MKLN1: variants seen among roughly 807,000 people sequenced by gnomAD.
MKLN1 encodes the protein muskelin.
In MKLN1, 18 loss-of-function variants were observed where a neutral mutation model predicts 99.0. The ratio of observed to expected loss-of-function variants is 0.18; its 90% CI spans 0.13 to 0.27. The LOEUF is 0.27. MKLN1 is among the 10% of genes least tolerant of loss of function. The pLI is 1.00. For missense variants in MKLN1, 621 were observed against 875.9 expected (o/e 0.71, Z 3.67); for synonymous variants, 288 against 293.2 (o/e 0.98, Z 0.18).
chr7:131,371,469 C>T lies in MKLN1; in HGVS notation c.99-3955C>T, dbSNP rs145337427. Among the ~76,000 whole-genome samples, 229 of 152,214 alleles carry T rather than the reference C, an allele frequency of 1.5e-3. 4 individuals carry two copies. Among genetic ancestry groups the T allele is most frequent in the African/African-American group, 5.2e-3 (215 of 41,542 alleles). On this transcript the variant is annotated intron_variant, in intron 1 of 17. Coordinates refer to ENST00000352689, the MANE Select transcript of MKLN1 (RefSeq NM_013255.5). Reference sequence around the variant, plus strand: ...GTTGCGGATTTAAATAGCATTGATACATTGACATCTCTGAAGAGTATATTT... The same window carrying T: ...GTTGCGGATTTAAATAGCATTGATATATTGACATCTCTGAAGAGTATATTT...
chr7:131,458,990 G>A (rs772472458), intron 12 of MKLN1, among the ~76,000 whole-genome samples: 8 of 152,148 alleles, frequency 5.3e-5, no homozygotes, highest in Non-Finnish European at 1.2e-4. Flanking sequence ...ATAACAAATT[G>A]ATTTAATCAA....
chr7:131,327,981 T>G lies in MKLN1; in HGVS notation c.82T>G (p.Ser28Ala), dbSNP rs1798938037. The G allele has an allele frequency of 6.2e-7, 1 of 1,613,842 alleles. No homozygotes were observed. The highest frequency in any genetic ancestry group is 8.5e-7 in the Non-Finnish European group (1 of 1,179,850). ...YALHKWSSFSSTYLPENILVD... is the reference protein window; with the variant it reads ...YALHKWSSFSATYLPENILVD... ...GCTACACAAGTGGAGCTCCTTTTCC[T>G]CCACCTACCTTCCCGAGTAAGTGCC... Residue 28 changes from serine to alanine, a missense_variant, in exon 1 of 18, where the codon TCC becomes GCC. Ser to Ala is a moderately conservative substitution (Grantham distance 99). Transcript: ENST00000352689.
rs553612492 is a variant in MKLN1 at position 131,321,280 on chromosome 7, C to T, written c.-178-54144C>T. Among the ~76,000 whole-genome samples, 216 of 152,200 alleles carry T rather than the reference C, an allele frequency of 1.4e-3. 1 individual carries two copies. The highest frequency in any genetic ancestry group is 4.8e-3 in the African/African-American group (198 of 41,532). The stretch of plus-strand genomic sequence containing the variant: ...AAAGAGTTCATGTCCTTTCCAGGGA[C>T]ATGGATGACGCTGGAAGCCATCATT... On this transcript the variant is annotated intron_variant, in intron 3 of 7. Coordinates refer to the MKLN1 transcript ENST00000416992.
intron 1 of MKLN1, among the ~76,000 whole-genome samples, chr7:131,338,706 A>T (rs1799320264): frequency 6.6e-6 from 1 of 152,156 alleles, no homozygotes; most frequent in South Asian, 2.1e-4. Context: ...AAAACGTACG[A>T]CTTGATCCCC....
chr7:131,185,584 A>C (rs956074986), intron 2 of MKLN1, among the ~76,000 whole-genome samples: 43 of 152,094 alleles, frequency 2.8e-4, no homozygotes, highest in African/African-American at 9.6e-4. Flanking sequence ...TCTCAAAAAA[A>C]AATAAAAAAT....
At position 131,169,320 on chromosome 7, in the gene MKLN1, A is replaced by G. The variant is rs192775225; in HGVS notation, c.-297+26379A>G. ...AACAATTGAATAACAGAATAATTCA[A>G]TCTGAAACTCGTAATCAATTGATGC... is the stretch of plus-strand genomic sequence containing the variant. On this transcript the variant is annotated intron_variant, in intron 2 of 7. Transcript: ENST00000416992. Among the ~76,000 whole-genome samples the G allele has an allele frequency of 6.3e-4, 96 of 152,308 alleles. 1 individual carries two copies. The East Asian group carries it at 0.011, about 18-fold the overall frequency.
chr7:131,220,710 G>T (rs894606431), intron 3 of MKLN1, among the ~76,000 whole-genome samples: 1 of 152,074 alleles, frequency 6.6e-6, no homozygotes, highest in East Asian at 1.9e-4. Context: ...CTTCAAATTG[G>T]TTGCTAGAAT....
At chr7:131,259,427 C>G (rs1797702642) in intron 3 of MKLN1, among the ~76,000 whole-genome samples, 1 of 152,120 alleles carries the variant, frequency 6.6e-6, no homozygotes, top group African/African-American at 2.4e-5. Context: ...CTTCATCTTT[C>G]CTTTTCCTTT....
chr7:131,161,673 T>G (rs904350833), intron 2 of MKLN1, among the ~76,000 whole-genome samples: 80 of 152,092 alleles, frequency 5.3e-4, no homozygotes, highest in African/African-American at 1.9e-3. Context: ...TGCCTCAGCC[T>G]CCCGAGTAGC....
chr7:131,439,491 C>T (rs1446004133), intron 10 of MKLN1, among the ~76,000 whole-genome samples: 1 of 152,256 alleles, frequency 6.6e-6, no homozygotes, highest in Admixed American at 6.5e-5. Flanking sequence ...AGTACTAATT[C>T]AGCCAACAAC....
chr7:131,317,535 A>C (rs1798691889), intron 3 of MKLN1, among the ~76,000 whole-genome samples: 1 of 152,186 alleles, frequency 6.6e-6, no homozygotes, highest in African/African-American at 2.4e-5. Context: ...CACTATGAAG[A>C]AACTGCATCA....
At chr7:131,345,787 A>AT (rs1218737572) in intron 1 of MKLN1, among the ~76,000 whole-genome samples, 1 of 152,218 alleles carries the variant, frequency 6.6e-6, no homozygotes, top group Non-Finnish European at 1.5e-5. Flanking sequence ...ATTTATTCAT[A>AT]TATACATGAG....
At chr7:131,119,996 CA>C (rs1258550511) in intron 1 of MKLN1, among the ~76,000 whole-genome samples, 1 of 152,062 alleles carries the variant, frequency 6.6e-6, no homozygotes, top group Non-Finnish European at 1.5e-5. Flanking sequence ...TTTGTTTATG[CA>C]AATGAGGATA....
chr7:131,127,004 A>G (rs950877524), intron 1 of MKLN1, among the ~76,000 whole-genome samples: 1 of 152,128 alleles, frequency 6.6e-6, no homozygotes, highest in African/African-American at 2.4e-5. Flanking sequence ...CGTCTCTACT[A>G]AAAATACAAA....
At chr7:131,161,957 GTGTGTGTATA>G (rs1796056769) in intron 2 of MKLN1, among the ~76,000 whole-genome samples, 3 of 68,360 alleles carry the variant, frequency 4.4e-5, no homozygotes, top group African/African-American at 1.9e-4. Flanking sequence ...ATACGTGTGT[GTGTGTGTATA>G]TATATATATA....
intron 3 of MKLN1, among the ~76,000 whole-genome samples, chr7:131,388,414 GGTTGGCTT>G (rs1401317481): frequency 6.6e-6 from 1 of 152,134 alleles, no homozygotes; most frequent in Non-Finnish European, 1.5e-5. Flanking sequence ...AACAGAGTAA[GGTTGGCTT>G]TGAAAATTTG....
At chr7:131,434,327 T>C (rs550174526) in intron 9 of MKLN1, among the ~76,000 whole-genome samples, 51 of 152,358 alleles carry the variant, frequency 3.3e-4, no homozygotes, top group African/African-American at 1.2e-3. Flanking sequence ...TAACTTGATA[T>C]CAGTGTATTT....
intron 1 of MKLN1, among the ~76,000 whole-genome samples, chr7:131,340,151 A>G (rs1024984036): frequency 2.6e-5 from 4 of 151,428 alleles, no homozygotes; most frequent in African/African-American, 4.9e-5. Flanking sequence ...CTAAAATGTC[A>G]CTTTCTCAGG....
At chr7:131,313,254 C>G (rs985971144) in intron 3 of MKLN1, among the ~76,000 whole-genome samples, 1 of 152,148 alleles carries the variant, frequency 6.6e-6, no homozygotes, top group Non-Finnish European at 1.5e-5. Flanking sequence ...TTTATGAGCA[C>G]GTTTTCTATA....
Sources: gnomAD v4.1 joint callset for allele counts (sites outside exome capture counted in the v4.1 genomes callset) on GRCh38, gnomAD v4.1.1 for gene constraint, MANE v1.5 for transcripts, NCBI Gene and HGNC (gene_info 2026-07-23, HGNC 2026-07-21) for gene names.